The following SLC20A2 variants were observed in gnomAD, a reference collection of about 807,000 sequenced individuals.
SLC20A2 encodes solute carrier family 20 member 2.
In SLC20A2, 30 loss-of-function variants were observed where a neutral mutation model predicts 61.0. The observed-to-expected ratio is 0.49, with a 90% CI of 0.37 to 0.67. SLC20A2 has a LOEUF of 0.67. SLC20A2 is among the 30% of genes least tolerant of loss of function. SLC20A2 has a pLI of 0.00. For synonymous variants in SLC20A2, 351 were observed against 353.3 expected (o/e 0.99, Z 0.07); for missense variants, 626 against 866.4 (o/e 0.72, Z 3.48).
chr8:42,463,102 A>G lies in SLC20A2; in HGVS notation c.431-12T>C. Reference sequence around the variant, plus strand: ...AAACCAAGAAGCAACTGAATAATTAAAAAAAAAATCTAATGAATGTTAAAA... The same window carrying G: ...AAACCAAGAAGCAACTGAATAATTAGAAAAAAAATCTAATGAATGTTAAAA... On this transcript the variant is annotated splice_polypyrimidine_tract_variant and intron_variant, in intron 3 of 10. Transcript: ENST00000520262. 6.7e-7 allele frequency: 1 copy of G among 1,494,286 alleles called. No individual in the cohort carries two copies. The highest frequency in any genetic ancestry group is 9.1e-7 in the Non-Finnish European group (1 of 1,093,314). The allele number at this position is 1,494,286 out of a possible 1,614,324, so 92.6% of individuals were successfully genotyped here.
intron 5 of SLC20A2, among the ~76,000 whole-genome samples, chr8:42,447,373 TA>T (rs969806255): frequency 8.7e-4 from 130 of 148,858 alleles, no homozygotes; most frequent in African/African-American, 2.6e-3. Flanking sequence ...TAACATACTA[TA>T]AAAAAAATTA....
intron 2 of SLC20A2, among the ~76,000 whole-genome samples, chr8:42,468,273 A>G (rs73675072): frequency 6.6e-6 from 1 of 152,216 alleles, no homozygotes; most frequent in Admixed American, 6.5e-5. Context: ...AATTCAGACC[A>G]TAAGATTTGT....
chr8:42,508,557 A>G (rs1810855056), intron 1 of SLC20A2, among the ~76,000 whole-genome samples: 1 of 151,630 alleles, frequency 6.6e-6, no homozygotes, highest in Non-Finnish European at 1.5e-5. Flanking sequence ...CGCCTGGCTA[A>G]TTTTTGTATT....
intron 5 of SLC20A2, among the ~76,000 whole-genome samples, chr8:42,455,731 G>A (rs561528003): frequency 4.5e-4 from 68 of 152,196 alleles, no homozygotes; most frequent in African/African-American, 1.6e-3. Context: ...TATATGTAGT[G>A]TTTTAAACTA....
chr8:42,477,595 C>G (rs1385697957), intron 1 of SLC20A2, among the ~76,000 whole-genome samples: 1 of 151,480 alleles, frequency 6.6e-6, no homozygotes, highest in Non-Finnish European at 1.5e-5. Flanking sequence ...CTCAGCCTCC[C>G]GAGTAGCTGG....
chr8:42,491,577 A>G (rs1439966007), intron 1 of SLC20A2, among the ~76,000 whole-genome samples: 2 of 151,894 alleles, frequency 1.3e-5, no homozygotes, highest in Non-Finnish European at 2.9e-5. Flanking sequence ...AGGCTGAGGC[A>G]AGAGAATCGC....
chr8:42,456,741 A>C (rs912006161), intron 5 of SLC20A2, among the ~76,000 whole-genome samples: 13 of 150,998 alleles, frequency 8.6e-5, no homozygotes, highest in South Asian at 2.1e-4. Context: ...CAAAAAAAAA[A>C]AAAAAAAAAA....
chr8:42,431,007 A>C (rs1292187307), intron 8 of SLC20A2, among the ~76,000 whole-genome samples: 1 of 152,194 alleles, frequency 6.6e-6, no homozygotes, highest in Non-Finnish European at 1.5e-5. Context: ...AGATATTGCT[A>C]TATTGAAATT....
At chr8:42,528,651 C>T (rs1197496904) in intron 1 of SLC20A2, among the ~76,000 whole-genome samples, 3 of 151,892 alleles carry the variant, frequency 2.0e-5, no homozygotes, top group Admixed American at 6.6e-5. Context: ...TCATATCCTG[C>T]CTCAATGTCC....
At chr8:42,533,991 A>G (rs527441442) in intron 1 of SLC20A2, among the ~76,000 whole-genome samples, 1 of 152,060 alleles carries the variant, frequency 6.6e-6, no homozygotes, top group African/African-American at 2.4e-5. Context: ...GCATTTGAAG[A>G]AATCCCTGCT....
chr8:42,464,090 A>ATTTTTTTTTTT (rs1563488008), intron 3 of SLC20A2, among the ~76,000 whole-genome samples: 27 of 19,980 alleles, frequency 1.4e-3, no homozygotes, highest in Admixed American at 2.9e-3. Context: ...AGGCTGGATG[A>ATTTTTTTTTTT]TCTTTTTTTT....
At chr8:42,479,583 G>C (rs1168581529) in intron 1 of SLC20A2, among the ~76,000 whole-genome samples, 1 of 152,120 alleles carries the variant, frequency 6.6e-6, no homozygotes, top group Non-Finnish European at 1.5e-5. Context: ...CCAGCACTTT[G>C]GGAGGCCTGA....
At chr8:42,455,290 A>C (rs868341376) in intron 5 of SLC20A2, among the ~76,000 whole-genome samples, 9 of 139,554 alleles carry the variant, frequency 6.4e-5, no homozygotes, top group African/African-American at 1.0e-4. Flanking sequence ...AGAGAGAGAG[A>C]GAGCGTGCGC....
intron 1 of SLC20A2, among the ~76,000 whole-genome samples, chr8:42,529,641 G>T (rs1461447606): frequency 6.6e-6 from 1 of 152,180 alleles, no homozygotes; most frequent in East Asian, 1.9e-4. Context: ...CTACATCTCA[G>T]CAATGCCTCA....
chr8:42,508,532 A>G (rs1326252645), intron 1 of SLC20A2, among the ~76,000 whole-genome samples: 1 of 152,156 alleles, frequency 6.6e-6, no homozygotes, highest in African/African-American at 2.4e-5. Flanking sequence ...CTGGGATTAC[A>G]GGCACCTGCC....
At chr8:42,517,002 C>CA (rs1554574540) in intron 1 of SLC20A2, among the ~76,000 whole-genome samples, 2 of 152,176 alleles carry the variant, frequency 1.3e-5, no homozygotes, top group African/African-American at 4.8e-5. Flanking sequence ...CACCACCCCC[C>CA]AAGCATTTCT....
chr8:42,430,026 A>C, intron 9 of SLC20A2, 38 bp downstream of exon 9: 3 of 1,553,438 alleles, frequency 1.9e-6, no homozygotes, highest in Middle Eastern at 2.3e-4. Context: ...GCCTCGGATG[A>C]CAAGACCTGC....
intron 6 of SLC20A2, 48 bp downstream of exon 6, chr8:42,444,598 G>T: frequency 7.2e-7 from 1 of 1,396,066 alleles, no homozygotes; most frequent in Non-Finnish European, 1.0e-6. Context: ...GTGAGGTTTT[G>T]GGAATCGGGA....
intron 5 of SLC20A2, among the ~76,000 whole-genome samples, chr8:42,457,108 G>C (rs141391325): frequency 0.013 from 1,904 of 152,064 alleles, 14 homozygotes; most frequent in Non-Finnish European, 0.02. Flanking sequence ...ATTTTTAGTA[G>C]AGATGGGGTT....
Sources: gnomAD v4.1 joint callset for allele counts (sites outside exome capture counted in the v4.1 genomes callset) on GRCh38, gnomAD v4.1.1 for gene constraint, MANE v1.5 for transcripts, NCBI Gene and HGNC (gene_info 2026-07-23, HGNC 2026-07-21) for gene names.